SPNS2: variants seen among roughly 807,000 people sequenced by gnomAD.
The protein encoded by SPNS2 is SPNS lysolipid transporter 2, sphingosine-1-phosphate.
A neutral mutation model predicts 57.6 loss-of-function variants in SPNS2; 37 were observed. The observed-to-expected ratio is 0.64, with a 90% CI of 0.49 to 0.85. The LOEUF is 0.85. Ranked by LOEUF, SPNS2 falls within the 40% of genes least tolerant of loss-of-function variation. SPNS2 has a pLI of 0.00. For synonymous variants in SPNS2, 440 were observed against 346.9 expected (o/e 1.27, Z -2.98); for missense variants, 831 against 779.1 (o/e 1.07, Z -0.79).
intron 3 of SPNS2, among the ~76,000 whole-genome samples, chr17:4,526,529 G>A (rs549219022): frequency 4.6e-5 from 7 of 151,882 alleles, no homozygotes; most frequent in Admixed American, 1.3e-4. Context: ...CTTGAACCTC[G>A]AAGGCAGAGG....
rs761950792 is a variant in SPNS2 at position 4,499,308 on chromosome 17, C to G, written c.261C>G (p.Pro87=). The change falls in exon 1 of 13, where the codon CCC becomes CCG. Residue 87 remains proline (P), a synonymous_variant. Coordinates refer to ENST00000329078, the MANE Select transcript of SPNS2 (RefSeq NM_001124758.3). The surrounding 1 kb of genome is among the most constrained non-coding windows in gnomAD (Gnocchi z 5.2). ...GCTGCGCAGCTACTGCAAAGGGCCC[C>G]GGCGCTCAGCAGCCCAAACCGGCCA... The part of the protein sequence containing the change: ...TPGCAATAKG[P]GAQQPKPASL... 5.3e-6 allele frequency: 8 copies of G among 1,495,528 alleles called. No individual in the cohort carries two copies. In the Admixed American group the frequency reaches 8.6e-5, roughly 16 times the overall value. 92.6% of individuals were successfully genotyped at this position (1,495,528 alleles called of 1,614,324 possible).
At position 4,512,731 on chromosome 17, in the gene SPNS2, TGTGTGTGTGCATGTACAGGTGTGTGC is replaced by T. The variant is rs1019967716; in HGVS notation, c.371-505_371-480del. ...GCACACACGTGCGTGCGTGTGCAGG[TGTGTGTGTGCATGTACAGGTGTGTGC>T]GTGTGTGTGCGAATGTGGTTGTGCA... On this transcript the variant is annotated intron_variant, in intron 1 of 12. Coordinates refer to ENST00000329078, the MANE Select transcript of SPNS2 (RefSeq NM_001124758.3). The surrounding 1 kb of genome is among the most constrained non-coding windows in gnomAD (Gnocchi z 5.2). 4.0e-5 allele frequency among the ~76,000 whole-genome samples: 6 copies of T among 150,702 alleles called. No homozygotes were observed. The highest frequency in any genetic ancestry group is 1.5e-4 in the African/African-American group (6 of 40,426).
chr17:4,534,631 G>C (rs114310965), intron 9 of SPNS2, among the ~76,000 whole-genome samples: 1 of 152,096 alleles, frequency 6.6e-6, no homozygotes, highest in Admixed American at 6.5e-5. Flanking sequence ...CCTGCACTTC[G>C]GGAAGCCTGC....
intron 2 of SPNS2, among the ~76,000 whole-genome samples, chr17:4,518,547 CA>C (rs1335611831): frequency 1.3e-5 from 2 of 152,150 alleles, no homozygotes; most frequent in East Asian, 3.9e-4. Context: ...AACAAACAAA[CA>C]AAAAAGATGT....
In SPNS2 at chr17:4,511,919, C is replaced by T. The variant is rs1904837996; in HGVS notation, c.371-1328C>T. 6.6e-6 allele frequency among the ~76,000 whole-genome samples: 1 copy of T among 152,184 alleles called. No individual in the cohort carries two copies. The highest frequency in any genetic ancestry group is 6.5e-5 in the Admixed American group (1 of 15,286). ...CCCAGCTGCCAGCAGGATCCTCATA[C>T]AGCACCTGGAGATTCCACTTTTTCC... On this transcript the variant is annotated intron_variant, in intron 1 of 12. Transcript: ENST00000329078. The surrounding 1 kb of genome is among the most constrained non-coding windows in gnomAD (Gnocchi z 4.6).
In SPNS2 at chr17:4,531,081, G is replaced by A. The variant is rs776505395; in HGVS notation, c.754G>A (p.Val252Met). Residue 252 changes from valine to methionine, a missense_variant, in exon 5 of 13, where the codon GTG becomes ATG. This residue lies in a region of SPNS2 where 305 missense variants were observed against 378.3 expected (regional missense o/e 0.81). Transcript: ENST00000329078. Reference protein sequence around the residue: ...SGLGYITGSSVKQAAGDWHWA... With the variant: ...SGLGYITGSSMKQAAGDWHWA... ...CCTGGGCTACATTACTGGCTCCAGC[G>A]TGAAGCAGGCAGCCGGAGACTGGCA... 9.9e-6 allele frequency: 16 copies of A among 1,614,008 alleles called. No homozygotes were observed. In the African/African-American group the frequency reaches 1.5e-4, roughly 15 times the overall value.
chr17:4,514,971 T>C (rs1358267186), intron 2 of SPNS2, among the ~76,000 whole-genome samples: 1 of 152,214 alleles, frequency 6.6e-6, no homozygotes, highest in Non-Finnish European at 1.5e-5. Flanking sequence ...CTGCCTCATC[T>C]GGAGCAAGGC....
chr17:4,532,453 A>C (rs1353845074), intron 5 of SPNS2, 89 bp from the exon 6 acceptor site: 21 of 1,574,088 alleles, frequency 1.3e-5, no homozygotes, highest in Non-Finnish European at 1.8e-5. Flanking sequence ...TATGGCCCAG[A>C]GAAGGCATGG....
Position 4,533,254 on chromosome 17 carries a change from G to A in SPNS2, c.1100G>A (p.Gly367Glu). The change falls in exon 8 of 13, where the codon GGG (glycine) becomes GAG (glutamate). Residue 367 changes from glycine (G) to glutamate (E), a missense_variant. This residue lies in a region of SPNS2 where 526 missense variants were observed against 400.9 expected (regional missense o/e 1.31). Transcript: ENST00000329078. ...PCGAKDSLIF[G>E]AITCFTGFLG... ...CTCTGTCCCCACAGCCTCATCTTTG[G>A]GGCCATCACCTGCTTTACGGGATTT... 1 of 1,602,308 alleles carries A rather than the reference G, an allele frequency of 6.2e-7. No homozygotes were observed. The highest frequency in any genetic ancestry group is 2.2e-5 in the East Asian group (1 of 44,646).
chr17:4,526,916 G>A (rs1410044871), intron 3 of SPNS2, among the ~76,000 whole-genome samples: 1 of 152,208 alleles, frequency 6.6e-6, no homozygotes, highest in Non-Finnish European at 1.5e-5. Flanking sequence ...GAGCCTGGTG[G>A]CCACAGTCAA....
At chr17:4,514,287 C>T (rs567357462) in intron 2 of SPNS2, among the ~76,000 whole-genome samples, 6 of 152,330 alleles carry the variant, frequency 3.9e-5, no homozygotes, top group East Asian at 1.9e-4. Context: ...TGTGAGCCCC[C>T]GTCAGATGCA....
intron 1 of SPNS2, among the ~76,000 whole-genome samples, chr17:4,500,958 G>A (rs1173752509): frequency 6.6e-6 from 1 of 152,156 alleles, no homozygotes; most frequent in African/African-American, 2.4e-5. Context: ...TCCCAAAAAC[G>A]CCAGCCGCTG....
rs1015485372 is a variant in SPNS2, at chr17:4,499,624, C to T, written c.370+207C>T. On this transcript the variant is annotated intron_variant, in intron 1 of 12. Coordinates refer to ENST00000329078, the MANE Select transcript of SPNS2 (RefSeq NM_001124758.3). The surrounding 1 kb of genome is among the most constrained non-coding windows in gnomAD (Gnocchi z 5.2). ...TACAATCCAGCTCCCCGCTCATACA[C>T]ACCCGGGGCCAAGGGATAGAGGAGT... 3.2e-5 allele frequency: 13 copies of T among 400,416 alleles called. No individual in the cohort carries two copies. The Admixed American group carries it at 4.0e-4, about 12-fold the overall frequency. The allele number at this position is 400,416 out of a possible 1,614,324, so 24.8% of individuals were successfully genotyped here. A position where few individuals can be genotyped will look rare whatever the true frequency, so the allele number is the denominator to read the frequency against.
chr17:4,528,603 C>T (rs1159451959), intron 3 of SPNS2, among the ~76,000 whole-genome samples: 4 of 151,946 alleles, frequency 2.6e-5, no homozygotes, highest in Non-Finnish European at 5.9e-5. Context: ...CAGCCTCCCG[C>T]GTAGCTGCGA....
intron 3 of SPNS2, among the ~76,000 whole-genome samples, chr17:4,526,511 G>A (rs1241173212): frequency 6.6e-6 from 1 of 152,000 alleles, no homozygotes; most frequent in Non-Finnish European, 1.5e-5. Flanking sequence ...GCTGAGGCAG[G>A]AGAATCGCTT....
At position 4,533,047 on chromosome 17, in the gene SPNS2, A is replaced by C. The variant is rs1405125725; in HGVS notation, c.1006A>C (p.Ile336Leu). 6.2e-7 allele frequency: 1 copy of C among 1,613,286 alleles called. No homozygotes were observed. Among genetic ancestry groups the C allele is most frequent in the Admixed American group, 1.7e-5 (1 of 60,008 alleles). ...SFATGALGMW[I>L]PLYLHRAQVV... ...CGCCACGGGGGCCCTGGGCATGTGG[A>C]TCCCGCTCTACCTGCACCGCGCCCA... The change falls in exon 7 of 13, where the codon ATC (isoleucine) becomes CTC (leucine). Residue 336 changes from isoleucine (I) to leucine (L), a missense_variant. By Grantham distance (5) the Ile-to-Leu change is conservative. Around this residue, in one of 2 missense-constraint regions of SPNS2, gnomAD observed 526 missense variants for 400.9 expected, o/e 1.31. Transcript: ENST00000329078.
At position 4,533,560 on chromosome 17, in the gene SPNS2, C is replaced by T. The variant is rs1597370126; in HGVS notation, c.1278+128C>T. On this transcript the variant is annotated intron_variant, in intron 8 of 12. Transcript: ENST00000329078. Reference sequence around the variant, plus strand: ...CGGGGAGGCTCCTATTCTCTGGCTGCCCCTGCTCATCCCCAGCCTGGCCAC... The same window carrying T: ...CGGGGAGGCTCCTATTCTCTGGCTGTCCCTGCTCATCCCCAGCCTGGCCAC... 2.5e-5 allele frequency: 29 copies of T among 1,141,088 alleles called. No individual in the cohort carries two copies. The South Asian group carries it at 4.3e-4, about 17-fold the overall frequency. The allele number at this position is 1,141,088 out of a possible 1,614,324, so 70.7% of individuals were successfully genotyped here.
chr17:4,532,239 C>T (rs907560257), intron 5 of SPNS2, among the ~76,000 whole-genome samples: 1 of 152,206 alleles, frequency 6.6e-6, no homozygotes, highest in Non-Finnish European at 1.5e-5. Flanking sequence ...CATCTCTTCT[C>T]TATCTATCCA....
intron 8 of SPNS2, 164 bp downstream of exon 8, chr17:4,533,596 TC>T: frequency 9.9e-7 from 1 of 1,014,364 alleles, no homozygotes; most frequent in Non-Finnish European, 1.4e-6. Flanking sequence ...ACACAGCCTG[TC>T]CAGGGCCTCT....
Sources: allele counts gnomAD v4.1 joint callset (sites outside exome capture counted in the v4.1 genomes callset), GRCh38; gene constraint gnomAD v4.1.1; regional missense constraint gnomAD v4.1.1; non-coding constraint Gnocchi (gnomAD v3.1); transcripts MANE v1.5; gene names NCBI Gene and HGNC (gene_info 2026-07-23, HGNC 2026-07-21).